Variants in PARP4 observed in about 807,000 individuals in gnomAD.
The protein encoded by PARP4 is protein mono-ADP-ribosyltransferase PARP4.
Under a neutral mutation model 187.7 loss-of-function variants are expected in PARP4, and 120 were observed. The observed-to-expected ratio is 0.64, with a 90% confidence interval of 0.55 to 0.74. The LOEUF (loss-of-function observed/expected upper bound fraction) is 0.74, where lower values mean the gene tolerates loss of function less well. Among genes scored for constraint, PARP4 ranks in the 30% least tolerant of loss-of-function variants. The pLI is 0.00. For missense variants in PARP4, 1,836 were observed against 2,070.5 expected, an observed-to-expected ratio of 0.89 and a Z score of 2.20; for synonymous variants, 654 against 740.9, an observed-to-expected ratio of 0.88 and a Z score of 1.90.
rs780602357 is a variant in PARP4, at chr13:24,493,661, C to A, written c.814G>T (p.Ala272Ser). Residue 272 changes from alanine to serine, a missense_variant, in exon 8 of 34, where the codon GCA becomes TCA. Transcript: ENST00000381989. ...TGTTCCAGGTGGCCCAGGGCCTCTG[C>A]CCAAATCATCTCTACTAAATCGCTC... ...EVSDLVEMIW[A>S]EALGHLEHML... The A allele has an allele frequency of 2.3e-5, 37 of 1,613,890 alleles. No homozygotes were observed. The South Asian group carries it at 3.2e-4, about 14-fold the overall frequency.
chr13:24,463,848 A>T (rs1467157873), intron 17 of PARP4, among the ~76,000 whole-genome samples: 4 of 152,198 alleles, frequency 2.6e-5, no homozygotes, highest in African/African-American at 9.6e-5. Flanking sequence ...GAAGAGAGGA[A>T]GTCAAACTAC....
In PARP4 at chr13:24,460,062, T is replaced by C; in HGVS notation, c.2208A>G (p.Glu736=). The C allele has an allele frequency of 6.2e-7, 1 of 1,613,812 alleles. No homozygotes were observed. The highest frequency in any genetic ancestry group is 2.2e-5 in the East Asian group (1 of 44,878). The change falls in exon 18 of 34, where the codon GAA becomes GAG. Residue 736 remains glutamate, a synonymous_variant. Coordinates refer to ENST00000381989, the MANE Select transcript of PARP4 (RefSeq NM_006437.4). Reference sequence around the variant, plus strand: ...CACCAACAGTGCCCAGGATGCTGAGTTCTGTGATGTAGGTAATTTTTATAA... The same window carrying C: ...CACCAACAGTGCCCAGGATGCTGAGCTCTGTGATGTAGGTAATTTTTATAA... The part of the protein sequence containing the change: ...KVLIKITYIT[E]LSILGTVGVF...
At chr13:24,507,951 C>G (rs1056541432) in intron 1 of PARP4, among the ~76,000 whole-genome samples, 1 of 152,182 alleles carries the variant, frequency 6.6e-6, no homozygotes, top group Non-Finnish European at 1.5e-5. Context: ...ATTAGGGATT[C>G]ATATTTTTTA....
chr13:24,456,950 T>C (rs535412514), intron 20 of PARP4, among the ~76,000 whole-genome samples: 1 of 152,124 alleles, frequency 6.6e-6, no homozygotes, highest in East Asian at 1.9e-4. Flanking sequence ...TAACAAAATG[T>C]AGGTTTTAGA....
rs1380646690 is a variant in PARP4 at position 24,427,055 on chromosome 13, T to C, written c.4847-457A>G. The stretch of plus-strand genomic sequence containing the variant: ...TGTGCCTATGATATTATCCTGATCA[T>C]TGTCAGGAAACTGAACTGTATCCAG... On this transcript the variant is annotated intron_variant, in intron 32 of 33. Transcript: ENST00000381989. Among the ~76,000 whole-genome samples the C allele has an allele frequency of 2.0e-5, 3 of 152,148 alleles. No individual in the cohort carries two copies. In the South Asian group the frequency reaches 6.2e-4, roughly 32 times the overall value.
Position 24,455,106 on chromosome 13 carries a change from ACAC to A in PARP4, c.2666_2668del (p.Gly889del). 6.2e-7 allele frequency: 1 copy of A among 1,613,480 alleles called. No individual in the cohort carries two copies. The highest frequency in any genetic ancestry group is 8.5e-7 in the Non-Finnish European group (1 of 1,179,482). On this transcript the variant is annotated inframe_deletion, in exon 22 of 34. Coordinates refer to ENST00000381989, the MANE Select transcript of PARP4 (RefSeq NM_006437.4). The stretch of plus-strand genomic sequence containing the variant: ...GATTTGCTTGGCTTGCAAGAATGTC[ACAC>A]CCTCCATGGAACTGGAGCAGTCAAG...
At chr13:24,497,988 A>G in intron 6 of PARP4, 128 bp downstream of exon 6, 1 of 603,106 alleles carries the variant, frequency 1.7e-6, no homozygotes, top group East Asian at 3.0e-5. Flanking sequence ...AGCCTGTTGC[A>G]TTTATTAATA....
Position 24,459,134 on chromosome 13 carries a change from G to T in PARP4, c.2346-12C>A. ...TAGTCAAAGAGAAGCTAGCAAAAATGAAGAGAAAGTTGTCTTAGTCTACGA... is the reference window on the plus strand; with the variant it reads ...TAGTCAAAGAGAAGCTAGCAAAAATTAAGAGAAAGTTGTCTTAGTCTACGA... On this transcript the variant is annotated splice_polypyrimidine_tract_variant and intron_variant, in intron 19 of 33. Coordinates refer to ENST00000381989, the MANE Select transcript of PARP4 (RefSeq NM_006437.4). 6.3e-7 allele frequency: 1 copy of T among 1,596,822 alleles called. No homozygotes were observed. The highest frequency in any genetic ancestry group is 8.6e-7 in the Non-Finnish European group (1 of 1,168,772).
At chr13:24,456,891 ACT>A (rs528355887) in intron 20 of PARP4, among the ~76,000 whole-genome samples, 4 of 152,072 alleles carry the variant, frequency 2.6e-5, no homozygotes, top group Non-Finnish European at 5.9e-5. Context: ...CAACAGGGAA[ACT>A]CTGTCTCAAA....
Position 24,470,794 on chromosome 13 carries a change from T to A in PARP4, c.1915-769A>T, listed in dbSNP as rs1369110258. On this transcript the variant is annotated intron_variant, in intron 15 of 33. Coordinates refer to ENST00000381989, the MANE Select transcript of PARP4 (RefSeq NM_006437.4). ...CTTATTTGAAAACATTGTCCACACC[T>A]GGATTTGCTGCAAGCTTGGCTGCCC... is the stretch of plus-strand genomic sequence containing the variant. Among the ~76,000 whole-genome samples the A allele has an allele frequency of 2.0e-5, 3 of 152,166 alleles. No individual in the cohort carries two copies. In the East Asian group the frequency reaches 5.8e-4, roughly 29 times the overall value.
intron 8 of PARP4, among the ~76,000 whole-genome samples, chr13:24,493,349 A>C (rs563475057): frequency 6.6e-6 from 1 of 152,316 alleles, no homozygotes; most frequent in Admixed American, 6.5e-5. Flanking sequence ...ATTGGCCAGC[A>C]CCAGAAGCCT....
chr13:24,421,798 A>G (rs1869761558), intron 33 of PARP4, among the ~76,000 whole-genome samples: 1 of 152,300 alleles, frequency 6.6e-6, no homozygotes, highest in African/African-American at 2.4e-5. Context: ...ACCAGGAACA[A>G]CTTGGTAGAA....
At chr13:24,489,358 C>A (rs956786418) in intron 10 of PARP4, among the ~76,000 whole-genome samples, 1 of 152,138 alleles carries the variant, frequency 6.6e-6, no homozygotes, top group African/African-American at 2.4e-5. Flanking sequence ...GCCTGTAATC[C>A]CAGCACTTTG....
At chr13:24,503,868 G>A in intron 1 of PARP4, 91 bp from the exon 2 acceptor site, 1 of 1,113,284 alleles carries the variant, frequency 9.0e-7, no homozygotes, top group Non-Finnish European at 1.3e-6. Context: ...GGGAAAATTG[G>A]GCATTATCTT....
rs1393707060 is a variant in PARP4, at chr13:24,494,488, T to G, written c.741+85A>C. Reference sequence around the variant, plus strand: ...GGATACAGGCATGAGCCACGAAGCCTGGCCCAGTCTTTTATTTGTAATAGA... The same window carrying G: ...GGATACAGGCATGAGCCACGAAGCCGGGCCCAGTCTTTTATTTGTAATAGA... On this transcript the variant is annotated intron_variant, in intron 7 of 33. Transcript: ENST00000381989. The G allele has an allele frequency of 4.7e-6, 6 of 1,270,774 alleles. No individual in the cohort carries two copies. In the South Asian group the frequency reaches 8.1e-5, roughly 17 times the overall value. The allele number at this position is 1,270,774 out of a possible 1,614,324, so 78.7% of individuals were successfully genotyped here.
chr13:24,481,819 A>C (rs1873296051), intron 12 of PARP4, among the ~76,000 whole-genome samples: 1 of 152,234 alleles, frequency 6.6e-6, no homozygotes, highest in Non-Finnish European at 1.5e-5. Flanking sequence ...CTATGGTTGC[A>C]TCTTACTGTA....
Position 24,486,175 on chromosome 13 carries a change from A to G in PARP4, c.1345T>C (p.Leu449=), listed in dbSNP as rs73154350. 0.1 allele frequency: 167,150 copies of G among 1,609,090 alleles called. 9,677 individuals are homozygous for G. The highest frequency in any genetic ancestry group is 0.12 in the Non-Finnish European group (139,486 of 1,177,890). Residue 449 remains leucine (L), a synonymous_variant, in exon 11 of 34, where the codon TTG becomes CTG. Transcript: ENST00000381989. ...GSPVQNIVGI[L]CRGLLLPKVV... ...AAAGATGGCTACTCTTACCGACACA[A>G]GATTCCCACGATGTTTTGTACAGGA...
At chr13:24,504,473 G>A (rs1428565123) in intron 1 of PARP4, among the ~76,000 whole-genome samples, 1 of 151,214 alleles carries the variant, frequency 6.6e-6, no homozygotes, top group Admixed American at 6.6e-5. Flanking sequence ...ACCACCACAC[G>A]TGGCTACTTT....
chr13:24,470,892 A>G (rs543635240), intron 15 of PARP4, among the ~76,000 whole-genome samples: 3 of 152,278 alleles, frequency 2.0e-5, no homozygotes, highest in African/African-American at 4.8e-5. Context: ...AGTCTCCCCA[A>G]ATCAGCAGGT....
Sources: gnomAD v4.1 joint callset for allele counts (sites outside exome capture counted in the v4.1 genomes callset) on GRCh38, gnomAD v4.1.1 for gene constraint, MANE v1.5 for transcripts, NCBI Gene and HGNC (gene_info 2026-07-23, HGNC 2026-07-21) for gene names.